The following P2RX5 variants were observed in gnomAD, a reference collection of about 807,000 sequenced individuals.
P2RX5 encodes P2X purinoceptor 5.
A neutral mutation model predicts 54.1 loss-of-function variants in P2RX5; 46 were observed. That is an observed-to-expected ratio of 0.85 (90% CI 0.67 to 1.09). P2RX5 has a LOEUF of 1.09. Among genes scored for constraint, P2RX5 ranks in the 50% least tolerant of loss-of-function variants. The pLI is 0.00. For missense variants in P2RX5, 566 were observed against 549.8 expected (o/e 1.03, Z -0.29); for synonymous variants, 226 against 226.4 (o/e 1.00, Z 0.02).
At chr17:3,695,155 T>C (rs2143002122) in intron 1 of P2RX5, among the ~76,000 whole-genome samples, 1 of 152,268 alleles carries the variant, frequency 6.6e-6, no homozygotes, top group Admixed American at 6.5e-5. Context: ...GCTTCTCCCC[T>C]CCACCTGCTC....
intron 11 of P2RX5, chr17:3,678,185 GC>G: frequency 1.2e-6 from 1 of 844,926 alleles, no homozygotes; most frequent in Non-Finnish European, 1.4e-6. Flanking sequence ...ACTGTCGGGA[GC>G]CGGTGGGTGG....
Position 3,688,637 on chromosome 17 carries a change from C to G in P2RX5, c.876G>C (p.Gly292=), listed in dbSNP as rs2143000154. ...AAGGCAGCGGTTACCTGAAGTTGTACCCGGAGGAGACAGACTTTGAAAGTT... is the reference window on the plus strand; with the variant it reads ...AAGGCAGCGGTTACCTGAAGTTGTAGCCGGAGGAGACAGACTTTGAAAGTT... ...DNKLSKSVSS[G]YNFRFARYYR... is the part of the protein sequence containing the mutation. Residue 292 remains glycine (G), a synonymous_variant, in exon 8 of 12, where the codon GGG becomes GGC. Coordinates refer to ENST00000225328, the MANE Select transcript of P2RX5 (RefSeq NM_002561.4). 1 of 1,614,090 alleles carries G rather than the reference C, an allele frequency of 6.2e-7. No homozygotes were observed. Among genetic ancestry groups the G allele is most frequent in the African/African-American group, 1.3e-5 (1 of 75,058 alleles).
At chr17:3,689,074 C>T (rs1433655400) in intron 7 of P2RX5, among the ~76,000 whole-genome samples, 1 of 152,248 alleles carries the variant, frequency 6.6e-6, no homozygotes, top group Non-Finnish European at 1.5e-5. Flanking sequence ...CGGCTGGTGC[C>T]CCAAGGACTC....
chr17:3,677,532 G>T, intron 11 of P2RX5: 3 of 985,430 alleles, frequency 3.0e-6, no homozygotes, highest in Non-Finnish European at 3.6e-6. Flanking sequence ...CCCCTTGGGT[G>T]TTGTCCAAGA....
At chr17:3,675,291 C>A (rs759895467) in intron 11 of P2RX5, 2 of 907,230 alleles carry the variant, frequency 2.2e-6, no homozygotes, top group Non-Finnish European at 2.6e-6. Context: ...CTGCCCGCCT[C>A]GGCCTCCCAA....
chr17:3,712,332 A>G, the P2RX5 span, among the ~76,000 whole-genome samples: 7 of 152,206 alleles, frequency 4.6e-5, no homozygotes, highest in Admixed American at 6.5e-5. Flanking sequence ...GGTGCCCAAC[A>G]GCCTAGTGAT....
At chr17:3,707,326 A>G in the P2RX5 span, among the ~76,000 whole-genome samples, 3 of 152,258 alleles carry the variant, frequency 2.0e-5, no homozygotes, top group South Asian at 2.1e-4. Context: ...AAGGATCTAC[A>G]GCCCACCGAA....
Position 3,688,685 on chromosome 17 carries a change from A to G in P2RX5, c.828T>C (p.Tyr276=). Residue 276 remains tyrosine, a synonymous_variant, in exon 8 of 12, where the codon TAT becomes TAC. Transcript: ENST00000225328. ...GTTTATTGTCCAGACGGCTAAAAGA[A>G]TAGTGAGGGTGGCACTCAGAGGCAG... is the stretch of plus-strand genomic sequence containing the variant. The part of the protein sequence containing the change: ...DKAASECHPH[Y]SFSRLDNKLS... The G allele has an allele frequency of 6.2e-7, 1 of 1,613,946 alleles. No individual in the cohort carries two copies. The highest frequency in any genetic ancestry group is 2.2e-5 in the East Asian group (1 of 44,886).
intron 1 of P2RX5, chr17:3,692,084 C>G (rs1378531255): frequency 7.0e-6 from 3 of 427,274 alleles, no homozygotes; most frequent in Non-Finnish European, 8.7e-6. Context: ...GCAGGCAGAT[C>G]GCAAGGTCAG....
chr17:3,714,788 G>C, the P2RX5 span: 1 of 925,488 alleles, frequency 1.1e-6, no homozygotes, highest in Non-Finnish European at 1.8e-6. Context: ...TAATGCAAAG[G>C]ATGCTGGGTC....
In P2RX5 at chr17:3,690,646, T is replaced by C. The variant is rs1026512400; in HGVS notation, c.395A>G (p.Asp132Gly). ...EGIPDGACSK[D>G]SDCHAGEAVT... ...CGCTTCCCCAGCGTGGCAGTCGCTG[T>C]CCTTGGAGCACGCGCCATCAGGAAT... The change falls in exon 4 of 12, where the codon GAC (aspartate) becomes GGC (glycine). Residue 132 changes from aspartate to glycine, a missense_variant. Asp to Gly is a moderately conservative substitution (Grantham distance 94). Transcript: ENST00000225328. The C allele has an allele frequency of 1.9e-6, 3 of 1,613,340 alleles. No individual in the cohort carries two copies. Among genetic ancestry groups the C allele is most frequent in the Non-Finnish European group, 2.5e-6 (3 of 1,179,988 alleles).
At chr17:3,684,472 T>TCA (rs1312483179) in intron 9 of P2RX5, among the ~76,000 whole-genome samples, 2 of 152,140 alleles carry the variant, frequency 1.3e-5, no homozygotes, top group African/African-American at 4.8e-5. Context: ...CAGGTGGTGG[T>TCA]GCACCTGCAG....
the P2RX5 span, among the ~76,000 whole-genome samples, chr17:3,704,470 T>A: frequency 6.6e-6 from 1 of 152,182 alleles, no homozygotes. Context: ...TAATAGACAT[T>A]ACTGATCCAC....
the P2RX5 span, among the ~76,000 whole-genome samples, chr17:3,711,164 C>T: frequency 6.6e-6 from 1 of 152,076 alleles, no homozygotes; most frequent in Non-Finnish European, 1.5e-5. Flanking sequence ...GGAAAGTACC[C>T]CATGTGCTTT....
intron 9 of P2RX5, among the ~76,000 whole-genome samples, chr17:3,683,287 TC>T (rs1348299240): frequency 1.3e-5 from 2 of 152,076 alleles, no homozygotes; most frequent in African/African-American, 4.8e-5. Context: ...TGCACATCCA[TC>T]CCCTAGATGC....
At chr17:3,695,785 A>G in intron 1 of P2RX5, 84 bp downstream of exon 1, 1 of 1,557,246 alleles carries the variant, frequency 6.4e-7, no homozygotes, top group Non-Finnish European at 8.8e-7. Flanking sequence ...ACGCCTGCGA[A>G]TTCCAGGACC....
At chr17:3,704,561 C>A in the P2RX5 span, among the ~76,000 whole-genome samples, 10 of 152,346 alleles carry the variant, frequency 6.6e-5, no homozygotes, top group East Asian at 1.9e-3. Flanking sequence ...GAGGCACTTC[C>A]GTGCCCATCA....
upstream of P2RX5, among the ~76,000 whole-genome samples, chr17:3,696,641 T>C (rs992049807): frequency 2.0e-5 from 3 of 152,066 alleles, no homozygotes; most frequent in Non-Finnish European, 4.4e-5. Flanking sequence ...GGTTTCACCA[T>C]GTTGGCCAGG....
the P2RX5 span, among the ~76,000 whole-genome samples, chr17:3,705,235 A>G: frequency 2.6e-5 from 4 of 152,118 alleles, no homozygotes; most frequent in African/African-American, 9.7e-5. Flanking sequence ...AATGGTGGCA[A>G]TGCAATGAGT....
Sources: allele counts gnomAD v4.1 joint callset (sites outside exome capture counted in the v4.1 genomes callset), GRCh38; gene constraint gnomAD v4.1.1; transcripts MANE v1.5; gene names NCBI Gene and HGNC (gene_info 2026-07-23, HGNC 2026-07-21).